TNC: variants seen among roughly 807,000 people sequenced by gnomAD.
The protein encoded by TNC is tenascin C.
TNC carries 109 observed loss-of-function variants against 202.4 expected under a neutral mutation model. That is an observed-to-expected ratio of 0.54 (90% CI 0.46 to 0.63). The LOEUF is 0.63. Among genes scored for constraint, TNC ranks in the 30% least tolerant of loss-of-function variants. TNC has a pLI of 0.00. For synonymous variants in TNC, 1,007 were observed against 1,089.7 expected (o/e 0.92, Z 1.50); for missense variants, 2,756 against 2,833.3 (o/e 0.97, Z 0.62).
intron 27 of TNC, among the ~76,000 whole-genome samples, chr9:115,023,118 T>TAAAAAAA (rs1829212198): frequency 6.6e-6 from 1 of 152,102 alleles, no homozygotes; most frequent in African/African-American, 2.4e-5. Flanking sequence ...AAAGTGGAAT[T>TAAAAAAA]TGGCCCTTTG....
At chr9:115,052,747 G>A in intron 15 of TNC, 1 of 702,074 alleles carries the variant, frequency 1.4e-6, no homozygotes, top group East Asian at 2.7e-5. Flanking sequence ...TACCTGTAAT[G>A]ACAAAGGCAG....
intron 1 of TNC, among the ~76,000 whole-genome samples, chr9:115,104,977 C>T (rs1054409329): frequency 6.6e-6 from 1 of 152,136 alleles, no homozygotes; most frequent in Admixed American, 6.6e-5. Flanking sequence ...AAATATTTGG[C>T]ATAGCAAAAC....
intron 15 of TNC, among the ~76,000 whole-genome samples, chr9:115,052,570 T>A (rs1426509084): frequency 6.6e-6 from 1 of 152,214 alleles, no homozygotes; most frequent in Non-Finnish European, 1.5e-5. Flanking sequence ...TGTATATGTA[T>A]ATCAAAACAA....
At chr9:115,089,579 C>T (rs984099797) in intron 2 of TNC, among the ~76,000 whole-genome samples, 5 of 152,102 alleles carry the variant, frequency 3.3e-5, no homozygotes, top group African/African-American at 1.2e-4. Context: ...CAGCTCACTG[C>T]AACCTCTGCC....
At chr9:115,032,586 T>A (rs997803491) in intron 22 of TNC, among the ~76,000 whole-genome samples, 3 of 152,182 alleles carry the variant, frequency 2.0e-5, no homozygotes, top group Non-Finnish European at 4.4e-5. Context: ...CTCAGACTGA[T>A]GGAATCATCA....
At chr9:115,075,914 A>C in intron 9 of TNC, 118 bp downstream of exon 9, 7 of 805,056 alleles carry the variant, frequency 8.7e-6, no homozygotes, top group Non-Finnish European at 1.5e-5. Flanking sequence ...ATGGTACTAC[A>C]GGGCCCTTTT....
intron 20 of TNC, 114 bp from the exon 21 acceptor site, chr9:115,036,355 C>G: frequency 8.2e-7 from 1 of 1,216,088 alleles, no homozygotes; most frequent in Non-Finnish European, 1.2e-6. Flanking sequence ...AGTGACCCTG[C>G]GGAAAAGCAG....
intron 3 of TNC, 130 bp downstream of exon 3, chr9:115,085,734 A>G: frequency 1.1e-6 from 1 of 945,338 alleles, no homozygotes; most frequent in East Asian, 2.7e-5. Flanking sequence ...GTGTGTTTAA[A>G]TGGATATATT....
intron 25 of TNC, among the ~76,000 whole-genome samples, chr9:115,027,212 G>C (rs993010800): frequency 2.6e-5 from 4 of 152,092 alleles, no homozygotes; most frequent in Non-Finnish European, 4.4e-5. Context: ...AAATCGGGTT[G>C]ACATTTTTGC....
At chr9:115,023,137 TAA>T (rs1386138971) in intron 27 of TNC, among the ~76,000 whole-genome samples, 3 of 152,132 alleles carry the variant, frequency 2.0e-5, no homozygotes, top group Admixed American at 2.0e-4. Flanking sequence ...TGCATTTTTA[TAA>T]AGTCCTTGGG....
chr9:115,078,324 T>A lies in TNC; in HGVS notation c.2405-112A>T, dbSNP rs943239262. The stretch of plus-strand genomic sequence containing the variant: ...CCTGTGGGTGAATACTTATACTAAC[T>A]GCTTGACTTTACTTTGCCTTTCTGA... On this transcript the variant is annotated intron_variant, in intron 6 of 27. Transcript: ENST00000350763. 28 of 1,260,436 alleles carry A rather than the reference T, an allele frequency of 2.2e-5. No individual in the cohort carries two copies. The African/African-American group carries it at 3.6e-4, about 16-fold the overall frequency. 78.1% of individuals were successfully genotyped at this position (1,260,436 alleles called of 1,614,324 possible).
intron 25 of TNC, among the ~76,000 whole-genome samples, chr9:115,027,230 C>G (rs1829572899): frequency 6.6e-6 from 1 of 152,112 alleles, no homozygotes; most frequent in Non-Finnish European, 1.5e-5. Context: ...TGCCCCACTT[C>G]CAACCTCCCA....
chr9:115,065,092 A>C (rs1832844329), intron 10 of TNC, among the ~76,000 whole-genome samples, 173 bp from the exon 11 acceptor site: 1 of 152,156 alleles, frequency 6.6e-6, no homozygotes, highest in Non-Finnish European at 1.5e-5. Context: ...CCAGCAGGAC[A>C]ACAATGTCAT....
intron 17 of TNC, among the ~76,000 whole-genome samples, chr9:115,044,490 G>A (rs1831027515): frequency 6.6e-6 from 1 of 151,286 alleles, no homozygotes. Context: ...CAAAGAGAGG[G>A]CTTTCCAAAA....
intron 19 of TNC, 115 bp downstream of exon 19, chr9:115,040,826 T>C (rs1830672917): frequency 3.0e-6 from 4 of 1,355,726 alleles, no homozygotes; most frequent in South Asian, 1.6e-5. Context: ...CCCCCCTTTT[T>C]TTCCAGCTGC....
chr9:115,029,035 GA>G (rs71375266), intron 25 of TNC, among the ~76,000 whole-genome samples: 15,491 of 71,142 alleles, frequency 0.22, 1,231 homozygotes, highest in Middle Eastern at 0.42. Flanking sequence ...ATTATCTCTG[GA>G]AAAAAAAAAA....
At chr9:115,077,673 AT>A (rs1833980409) in intron 7 of TNC, among the ~76,000 whole-genome samples, 1 of 152,170 alleles carries the variant, frequency 6.6e-6, no homozygotes, top group Non-Finnish European at 1.5e-5. Flanking sequence ...TTTGAACTTT[AT>A]TTTAACCAGA....
chr9:115,040,262 T>A (rs967394269), intron 19 of TNC, among the ~76,000 whole-genome samples: 1 of 152,224 alleles, frequency 6.6e-6, no homozygotes, highest in Non-Finnish European at 1.5e-5. Flanking sequence ...CCAAGGTATT[T>A]CATTTGTCTC....
intron 10 of TNC, among the ~76,000 whole-genome samples, chr9:115,071,094 A>C (rs1833433920): frequency 6.6e-6 from 1 of 152,198 alleles, no homozygotes; most frequent in South Asian, 2.1e-4. Context: ...CTTGGAATTA[A>C]ATACCCGTCT....
Sources: allele counts gnomAD v4.1 joint callset (sites outside exome capture counted in the v4.1 genomes callset), GRCh38; gene constraint gnomAD v4.1.1; transcripts MANE v1.5; gene names NCBI Gene and HGNC (gene_info 2026-07-23, HGNC 2026-07-21).